The following LCN12 variants were observed in gnomAD, a reference collection of about 807,000 sequenced individuals.
LCN12 encodes the protein lipocalin 12.
In LCN12, 15 loss-of-function variants were observed where a neutral mutation model predicts 23.7. That is an observed-to-expected ratio of 0.63 (90% CI 0.42 to 0.97). LCN12 has a LOEUF of 0.97. Among genes scored for constraint, LCN12 ranks in the 50% least tolerant of loss-of-function variants. LCN12 has a pLI of 0.00. For synonymous variants in LCN12, 116 were observed against 111.5 expected, an observed-to-expected ratio of 1.04 and a Z score of -0.25; for missense variants, 219 against 249.6, an observed-to-expected ratio of 0.88 and a Z score of 0.83.
At chr9:136,950,265 G>C (rs1290495582), upstream of LCN12, among the ~76,000 whole-genome samples, 2 of 152,346 alleles carry the variant, frequency 1.3e-5, no homozygotes, top group South Asian at 4.1e-4. Context: ...GGGGACGTGG[G>C]GGGCACAGAG....
chr9:136,954,136 G>A lies in LCN12; in HGVS notation c.449-18G>A, dbSNP rs752534744. ...CCTGCCAAGTGCACAGACCCATGCTGGGCTCCCTGGGCTGCAGGCAGGAGC... is the reference window on the plus strand; with the variant it reads ...CCTGCCAAGTGCACAGACCCATGCTAGGCTCCCTGGGCTGCAGGCAGGAGC... On this transcript the variant is annotated intron_variant, in intron 4 of 5. Transcript: ENST00000371633. 2 of 1,537,554 alleles carry A rather than the reference G, an allele frequency of 1.3e-6. No individual in the cohort carries two copies. The highest frequency in any genetic ancestry group is 1.4e-5 in the African/African-American group (1 of 73,220).
In LCN12 at chr9:136,952,874, C is replaced by A; in HGVS notation, c.115-18C>A. The stretch of plus-strand genomic sequence containing the variant: ...CACCCCTGCCCACCGCCGCCCCTGC[C>A]CACCACCGCCTCTGTAGTTCCAGGG... On this transcript the variant is annotated intron_variant, in intron 1 of 5. Transcript: ENST00000371633. 6.2e-7 allele frequency: 1 copy of A among 1,608,734 alleles called. No homozygotes were observed. The highest frequency in any genetic ancestry group is 1.1e-5 in the South Asian group (1 of 91,002).
rs756959890 is a variant in LCN12 at position 136,953,737 on chromosome 9, C to T, written c.289C>T (p.Pro97Ser). 6.2e-7 allele frequency: 1 copy of T among 1,605,172 alleles called. No individual in the cohort carries two copies. The highest frequency in any genetic ancestry group is 1.1e-5 in the South Asian group (1 of 89,134). The change falls in exon 3 of 6, where the codon CCG becomes TCG. Residue 97 changes from proline (P) to serine (S), a missense_variant. Coordinates refer to ENST00000371633, the MANE Select transcript of LCN12 (RefSeq NM_178536.4). ...TGACACATGGTCTTATGTGCTGATA[C>T]CGGCAGCCCAGCCTGGGCAGTTCAC... ...HCDTWSYVLI[P>S]AAQPGQFTVD...
At chr9:136,955,526 G>A (rs1851302908), downstream of LCN12, 1 of 1,062,638 alleles carries the variant, frequency 9.4e-7, no homozygotes, top group African/African-American at 1.6e-5. Flanking sequence ...TATGACCTTG[G>A]GTTGGGCAAA....
Position 136,953,950 on chromosome 9 carries a change from G to A in LCN12, c.434G>A (p.Arg145Lys), listed in dbSNP as rs752562028. The A allele has an allele frequency of 6.2e-7, 1 of 1,609,944 alleles. No homozygotes were observed. Among genetic ancestry groups the A allele is most frequent in the South Asian group, 1.1e-5 (1 of 90,944 alleles). Residue 145 changes from arginine (R) to lysine (K), a missense_variant, in exon 4 of 6, where the codon AGG (arginine) becomes AAG (lysine). Physicochemically the swap from Arg to Lys is conservative, Grantham distance 26. Coordinates refer to ENST00000371633, the MANE Select transcript of LCN12 (RefSeq NM_178536.4). ...RRHTSRLAVL[R>K]ISLLGRSWLL... ...CACACGAGCAGGCTGGCCGTCCTCA[G>A]GATCAGCCTGCTGGGTGAGCCTCCC...
At chr9:136,951,436 G>A (rs1007692609), upstream of LCN12, 1 of 152,190 alleles carries the variant, frequency 6.6e-6, no homozygotes, top group African/African-American at 2.4e-5. Context: ...AAATTTTTTT[G>A]TAGAGATGGA....
At chr9:136,949,870 G>A (rs1193215929), upstream of LCN12, among the ~76,000 whole-genome samples, 1 of 152,152 alleles carries the variant, frequency 6.6e-6, no homozygotes, top group Non-Finnish European at 1.5e-5. Context: ...TCTCAAGGAC[G>A]CCTTGCAGAA....
Position 136,954,212 on chromosome 9 carries a change from T to C in LCN12, c.507T>C (p.Ala169=). Residue 169 remains alanine (A), a synonymous_variant, in exon 5 of 6, where the codon GCT becomes GCC. Coordinates refer to ENST00000371633, the MANE Select transcript of LCN12 (RefSeq NM_178536.4). ...ACCAGTTCATCTGCCTGGGCAGAGCTCAGGGCCTCTCGGATGACAACATCG... is the reference window on the plus strand; with the variant it reads ...ACCAGTTCATCTGCCTGGGCAGAGCCCAGGGCCTCTCGGATGACAACATCG... ...TLDQFICLGR[A]QGLSDDNIVF... is the part of the protein sequence containing the mutation. 6.3e-7 allele frequency: 1 copy of C among 1,577,736 alleles called. No individual in the cohort carries two copies. Among genetic ancestry groups the C allele is most frequent in the Admixed American group, 1.8e-5 (1 of 55,476 alleles).
upstream of LCN12, among the ~76,000 whole-genome samples, chr9:136,951,036 G>C (rs1208039400): frequency 6.6e-6 from 1 of 152,152 alleles, no homozygotes; most frequent in Non-Finnish European, 1.5e-5. Flanking sequence ...GGCCTGGACA[G>C]AGGCTCACAG....
chr9:136,954,765 C>G (rs747784566), intron 5 of LCN12: 1 of 1,291,362 alleles, frequency 7.7e-7, no homozygotes, highest in Non-Finnish European at 1.0e-6. Context: ...GGTGGCAGCC[C>G]CAGCCTGACC....
At chr9:136,954,074 A>G (rs1298803863) in intron 4 of LCN12, 80 bp from the exon 5 acceptor site, 2 of 1,524,102 alleles carry the variant, frequency 1.3e-6, no homozygotes, top group Non-Finnish European at 1.8e-6. Context: ...TTGGGGGTAC[A>G]GATAGTTCAA....
At position 136,954,194 on chromosome 9, in the gene LCN12, C is replaced by T. The variant is rs900006415; in HGVS notation, c.489C>T (p.Phe163=). The change falls in exon 5 of 6, where the codon TTC becomes TTT. Residue 163 remains phenylalanine (F), a synonymous_variant. Coordinates refer to ENST00000371633, the MANE Select transcript of LCN12 (RefSeq NM_178536.4). ...TGCCTCCCGGGACGCTGGACCAGTT[C>T]ATCTGCCTGGGCAGAGCTCAGGGCC... ...WLLPPGTLDQ[F]ICLGRAQGLS... 87 of 1,575,348 alleles carry T rather than the reference C, an allele frequency of 5.5e-5. No homozygotes were observed. Among genetic ancestry groups the T allele is most frequent in the Non-Finnish European group, 6.6e-5 (77 of 1,159,978 alleles).
chr9:136,953,676 G>A lies in LCN12; in HGVS notation c.252-24G>A, dbSNP rs1023617263. 7.8e-6 allele frequency: 12 copies of A among 1,535,662 alleles called. No individual in the cohort carries two copies. The East Asian group carries it at 1.8e-4, about 24-fold the overall frequency. ...GACCTGCCAGCTTCCGGAGCCTTCCGCCTCCACCTGTCCCCTCCTACAGAG... is the reference window on the plus strand; with the variant it reads ...GACCTGCCAGCTTCCGGAGCCTTCCACCTCCACCTGTCCCCTCCTACAGAG... On this transcript the variant is annotated intron_variant, in intron 2 of 5. Coordinates refer to ENST00000371633, the MANE Select transcript of LCN12 (RefSeq NM_178536.4).
At chr9:136,952,462 G>A (rs1031537205) in intron 1 of LCN12, 21 bp downstream of exon 1, 2 of 1,547,910 alleles carry the variant, frequency 1.3e-6, no homozygotes, top group African/African-American at 1.4e-5. Flanking sequence ...TTTGACGGAA[G>A]GAGAAGCAGC....
chr9:136,955,430 C>T lies in LCN12; in HGVS notation c.*31C>T, dbSNP rs777776316. 2 of 1,605,380 alleles carry T rather than the reference C, an allele frequency of 1.2e-6. No individual in the cohort carries two copies. Among genetic ancestry groups the T allele is most frequent in the South Asian group, 1.1e-5 (1 of 90,862 alleles). ...GAAGCAGCTCCTGTCCGGCCCAGCCCTGCCTCACAGCTGTGCGAGCTCTGC... is the reference window on the plus strand; with the variant it reads ...GAAGCAGCTCCTGTCCGGCCCAGCCTTGCCTCACAGCTGTGCGAGCTCTGC... On this transcript the variant is annotated 3_prime_UTR_variant, in exon 6 of 6. Coordinates refer to ENST00000371633, the MANE Select transcript of LCN12 (RefSeq NM_178536.4).
At chr9:136,954,374 C>T (rs1348728601) in intron 5 of LCN12, 119 bp downstream of exon 5, 7 of 1,139,610 alleles carry the variant, frequency 6.1e-6, no homozygotes, top group African/African-American at 3.1e-5. Context: ...CCCCAGCCTG[C>T]GCTCAGGGGT....
intron 5 of LCN12, chr9:136,955,051 C>T: frequency 7.2e-7 from 1 of 1,392,032 alleles, no homozygotes; most frequent in African/African-American, 1.5e-5. Flanking sequence ...CTGGTCTGCA[C>T]ACACCTGCAC....
At chr9:136,954,680 C>A in intron 5 of LCN12, 1 of 1,278,040 alleles carries the variant, frequency 7.8e-7, no homozygotes, top group Non-Finnish European at 1.0e-6. Flanking sequence ...GCCACCTCCT[C>A]CCCTCACCCA....
chr9:136,949,539 C>G (rs1189507395), upstream of LCN12: 1 of 152,528 alleles, frequency 6.6e-6, no homozygotes. Flanking sequence ...CACCCCACCC[C>G]CAAGGGGCCT....
Sources: gnomAD v4.1 joint callset for allele counts (sites outside exome capture counted in the v4.1 genomes callset) on GRCh38, gnomAD v4.1.1 for gene constraint, MANE v1.5 for transcripts, NCBI Gene and HGNC (gene_info 2026-07-23, HGNC 2026-07-21) for gene names.